Variants in ERC2 observed in about 807,000 individuals in gnomAD.
ERC2 encodes the protein ELKS/RAB6-interacting/CAST family member 2.
In ERC2, 42 loss-of-function variants were observed where a neutral mutation model predicts 114.8. The ratio of observed to expected loss-of-function variants is 0.37; its 90% CI spans 0.29 to 0.47. The LOEUF (loss-of-function observed/expected upper bound fraction) is 0.47. Ranked by LOEUF, ERC2 falls within the 20% of genes least tolerant of loss-of-function variation. The pLI is 0.99. For missense variants in ERC2, 939 were observed against 1,150.7 expected, an observed-to-expected ratio of 0.82 and a Z score of 2.66; for synonymous variants, 454 against 425.5, an observed-to-expected ratio of 1.07 and a Z score of -0.82.
At chr3:55,851,442 A>G (rs1272271302) in intron 14 of ERC2, among the ~76,000 whole-genome samples, 1 of 152,196 alleles carries the variant, frequency 6.6e-6, no homozygotes, top group East Asian at 1.9e-4. Context: ...GAGGGAATGC[A>G]CTGGAGAATG....
intron 3 of ERC2, among the ~76,000 whole-genome samples, chr3:56,285,034 C>CACACACACAT (rs2054598887): frequency 6.6e-5 from 2 of 30,208 alleles, no homozygotes; most frequent in Non-Finnish European, 1.6e-4. Flanking sequence ...CACACACATA[C>CACACACACAT]ACACACACAC....
intron 14 of ERC2, among the ~76,000 whole-genome samples, chr3:55,819,683 G>A (rs978590751): frequency 6.6e-6 from 1 of 152,198 alleles, no homozygotes; most frequent in African/African-American, 2.4e-5. Flanking sequence ...TCCCACTTGT[G>A]GGATAGCATC....
intron 14 of ERC2, among the ~76,000 whole-genome samples, chr3:55,853,178 T>A (rs1479004892): frequency 6.6e-6 from 1 of 152,144 alleles, no homozygotes; most frequent in East Asian, 1.9e-4. Flanking sequence ...ATGTGATTCA[T>A]GGGACATGGA....
chr3:55,730,201 C>T (rs1242633727), intron 15 of ERC2, among the ~76,000 whole-genome samples: 1 of 152,080 alleles, frequency 6.6e-6, no homozygotes, highest in Non-Finnish European at 1.5e-5. Context: ...CCAGGGCCAA[C>T]GCTGCACCAG....
chr3:55,760,192 T>A (rs1175141971), intron 14 of ERC2, among the ~76,000 whole-genome samples: 2 of 152,206 alleles, frequency 1.3e-5, no homozygotes, highest in African/African-American at 4.8e-5. Context: ...TTAATGTGCT[T>A]CCCACTGCCT....
chr3:55,864,830 A>G (rs1310803939), intron 14 of ERC2, among the ~76,000 whole-genome samples: 3 of 152,092 alleles, frequency 2.0e-5, no homozygotes, highest in African/African-American at 4.8e-5. Flanking sequence ...TTGTCATCAC[A>G]TCATTATTAC....
At chr3:55,771,362 G>A (rs551518074) in intron 14 of ERC2, among the ~76,000 whole-genome samples, 171 of 152,274 alleles carry the variant, frequency 1.1e-3, no homozygotes, top group African/African-American at 3.7e-3. Flanking sequence ...TAGCAACATC[G>A]ATTGTGCTAG....
At chr3:55,667,949 G>T (rs2061417842) in intron 17 of ERC2, among the ~76,000 whole-genome samples, 1 of 152,126 alleles carries the variant, frequency 6.6e-6, no homozygotes, top group South Asian at 2.1e-4. Flanking sequence ...TCTGTTGTAG[G>T]ATACTTAGCA....
At chr3:55,901,400 C>CT (rs1248524434) in intron 13 of ERC2, among the ~76,000 whole-genome samples, 1 of 152,154 alleles carries the variant, frequency 6.6e-6, no homozygotes, top group Admixed American at 6.5e-5. Flanking sequence ...TCTGGAGCAG[C>CT]TCAGGGTCCT....
At position 55,672,374 on chromosome 3, in the gene ERC2, A is replaced by G. The variant is rs1051063344; in HGVS notation, c.*39+11420T>C. On this transcript the variant is annotated intron_variant, in intron 17 of 17. Transcript: ENST00000288221. ...AAAAAAAAGTCTTTTAATATCCAAC[A>G]CCATCAGTGCACTGAGGAACACCTT... is the stretch of plus-strand genomic sequence containing the variant. Among the ~76,000 whole-genome samples, 3 of 151,488 alleles carry G rather than the reference A, an allele frequency of 2.0e-5. No homozygotes were observed. In the East Asian group the frequency reaches 5.8e-4, roughly 29 times the overall value.
At chr3:56,027,697 T>C (rs1160953322) in intron 7 of ERC2, among the ~76,000 whole-genome samples, 3 of 152,216 alleles carry the variant, frequency 2.0e-5, no homozygotes, top group Non-Finnish European at 2.9e-5. Context: ...GACTCCTTTA[T>C]ATTTTCTAGG....
At chr3:55,672,738 T>C (rs1421992646) in intron 17 of ERC2, among the ~76,000 whole-genome samples, 2 of 152,138 alleles carry the variant, frequency 1.3e-5, no homozygotes. Flanking sequence ...GCCCCCTCAG[T>C]GTTTGTCAGG....
chr3:55,732,581 GA>G (rs1359190378), intron 15 of ERC2, among the ~76,000 whole-genome samples: 54 of 152,334 alleles, frequency 3.5e-4, no homozygotes, highest in African/African-American at 1.3e-3. Context: ...CTGGAATCAA[GA>G]AGTGAATTTT....
rs190619620 is a variant in ERC2, at chr3:56,401,037, A to G, written c.657+33314T>C. Among the ~76,000 whole-genome samples the G allele has an allele frequency of 5.3e-5, 8 of 152,342 alleles. No homozygotes were observed. In the South Asian group the frequency reaches 8.3e-4, roughly 16 times the overall value. ...AATTGCATGAAAAGGGAAAAGCAGG[A>G]AAGTCCCAAGACTGTACAATCTAAA... On this transcript the variant is annotated intron_variant, in intron 2 of 17. Coordinates refer to ENST00000288221, the MANE Select transcript of ERC2 (RefSeq NM_015576.3).
chr3:55,590,191 A>T (rs2057804823), intron 17 of ERC2, among the ~76,000 whole-genome samples: 1 of 152,220 alleles, frequency 6.6e-6, no homozygotes, highest in Admixed American at 6.5e-5. Context: ...GTAAAAAGTA[A>T]AAAGCGTGAG....
chr3:56,065,784 T>C (rs1259818472), intron 7 of ERC2, among the ~76,000 whole-genome samples: 1 of 151,956 alleles, frequency 6.6e-6, no homozygotes, highest in Non-Finnish European at 1.5e-5. Context: ...CACTTATGAG[T>C]GAGTATATGT....
At chr3:55,780,585 T>C (rs1351427107) in intron 14 of ERC2, among the ~76,000 whole-genome samples, 1 of 152,252 alleles carries the variant, frequency 6.6e-6, no homozygotes. Flanking sequence ...TAACATATTT[T>C]TTAAAATCTC....
In ERC2 at chr3:56,307,927, C is replaced by G. The variant is rs144088721; in HGVS notation, c.658-11492G>C. On this transcript the variant is annotated intron_variant, in intron 2 of 17. Coordinates refer to ENST00000288221, the MANE Select transcript of ERC2 (RefSeq NM_015576.3). The stretch of plus-strand genomic sequence containing the variant: ...AAGTATAGAAGAAAGGTGAGAGGAC[C>G]AGAGGGAAACTGTCTCACCAGACCG... Among the ~76,000 whole-genome samples the G allele has an allele frequency of 6.7e-4, 102 of 151,990 alleles. No homozygotes were observed. The East Asian group carries it at 0.011, about 16-fold the overall frequency.
In ERC2 at chr3:55,675,903, C is replaced by CTTTTTTTTTTTTTTTTTTT. The variant is rs869296098; in HGVS notation, c.*39+7872_*39+7890dup. Among the ~76,000 whole-genome samples the CTTTTTTTTTTTTTTTTTTT allele has an allele frequency of 4.4e-3, 210 of 47,996 alleles. 36 individuals carry two copies. Among genetic ancestry groups the CTTTTTTTTTTTTTTTTTTT allele is most frequent in the Non-Finnish European group, 5.0e-3 (142 of 28,370 alleles). The allele number at this position is 47,996 out of a possible 152,430, so 31.5% of individuals were successfully genotyped here. On this transcript the variant is annotated intron_variant, in intron 17 of 17. Transcript: ENST00000288221. Reference sequence around the variant, plus strand: ...TTCCATCTTTCTTTCTCTTTTCTTTCTTTTTTTTTTTTTTTTTTTTTTTTT... The same window carrying CTTTTTTTTTTTTTTTTTTT: ...TTCCATCTTTCTTTCTCTTTTCTTTCTTTTTTTTTTTTTTTTTTTTTTTTTTTTTTTTTTTTTTTTTTTT...
Sources: allele counts gnomAD v4.1 joint callset (sites outside exome capture counted in the v4.1 genomes callset), GRCh38; gene constraint gnomAD v4.1.1; transcripts MANE v1.5; gene names NCBI Gene and HGNC (gene_info 2026-07-23, HGNC 2026-07-21).